PIPOX: variants seen among roughly 807,000 people sequenced by gnomAD.
PIPOX encodes peroxisomal sarcosine oxidase.
A neutral mutation model predicts 47.9 loss-of-function variants in PIPOX; 45 were observed. The observed-to-expected ratio is 0.94, with a 90% CI of 0.74 to 1.20. PIPOX has a LOEUF of 1.20. Ranked by LOEUF, PIPOX falls within the 50% of genes most tolerant of loss-of-function variation. The pLI is 0.00. For synonymous variants in PIPOX, 165 were observed against 191.3 expected, an observed-to-expected ratio of 0.86 and a Z score of 1.13; for missense variants, 458 against 498.4, an observed-to-expected ratio of 0.92 and a Z score of 0.77.
At position 29,056,546 on chromosome 17, in the gene PIPOX, C is replaced by T. The variant is rs948690207; in HGVS notation, c.*241C>T. ...GTCTACCTTCTTTTCTTGGCCACCT[C>T]CCCATTCACAACTACTTTCTCGCTC... On this transcript the variant is annotated 3_prime_UTR_variant, in exon 8 of 8. Coordinates refer to ENST00000323372, the MANE Select transcript of PIPOX (RefSeq NM_016518.3). 2 of 566,328 alleles carry T rather than the reference C, an allele frequency of 3.5e-6. No homozygotes were observed. Among genetic ancestry groups the T allele is most frequent in the African/African-American group, 3.8e-5 (2 of 53,254 alleles). The allele number at this position is 566,328 out of a possible 1,614,324, so 35.1% of individuals were successfully genotyped here.
chr17:29,046,518 T>C (rs1436011773), intron 2 of PIPOX: 14 of 878,776 alleles, frequency 1.6e-5, no homozygotes, highest in Non-Finnish European at 1.6e-5. Flanking sequence ...AAATGAGACT[T>C]TTGTGAAATA....
chr17:29,050,568 C>A (rs922342143), intron 2 of PIPOX, among the ~76,000 whole-genome samples: 1 of 151,944 alleles, frequency 6.6e-6, no homozygotes, highest in East Asian at 1.9e-4. Context: ...TGGTGGCTCA[C>A]GCCTGTAGTC....
chr17:29,053,210 AC>A (rs1484260499), intron 3 of PIPOX, 77 bp downstream of exon 3: 3 of 1,426,828 alleles, frequency 2.1e-6, no homozygotes, highest in Non-Finnish European at 2.0e-6. Flanking sequence ...CCAGCCCAAG[AC>A]CCCCCTCTGG....
chr17:29,043,927 C>G (rs1434563242), intron 1 of PIPOX, among the ~76,000 whole-genome samples: 1 of 152,154 alleles, frequency 6.6e-6, no homozygotes, highest in Non-Finnish European at 1.5e-5. Flanking sequence ...TCTGCAGTGA[C>G]CACTGCATAT....
At chr17:29,055,253 C>A (rs1324488393) in intron 6 of PIPOX, 32 bp downstream of exon 6, 1 of 1,613,192 alleles carries the variant, frequency 6.2e-7, no homozygotes, top group Admixed American at 1.7e-5. Flanking sequence ...GCTGGGCCCC[C>A]TCACCACTCT....
In PIPOX at chr17:29,052,939, C is replaced by G; in HGVS notation, c.283C>G (p.Leu95Val). Residue 95 changes from leucine to valine, a missense_variant, in exon 3 of 8, where the codon CTG (leucine) becomes GTG (valine). Transcript: ENST00000323372. Reference protein sequence around the residue: ...QLHRQTGLLLLGMKENQELKT... With the variant: ...QLHRQTGLLLVGMKENQELKT... ...TAACAGGCAGACTGGATTACTGCTG[C>G]TGGGAATGAAAGAGAATCAAGAATT... 1 of 1,614,180 alleles carries G rather than the reference C, an allele frequency of 6.2e-7. No individual in the cohort carries two copies. The highest frequency in any genetic ancestry group is 8.5e-7 in the Non-Finnish European group (1 of 1,180,004).
chr17:29,052,502 C>T (rs1220347335), intron 2 of PIPOX, among the ~76,000 whole-genome samples: 1 of 152,240 alleles, frequency 6.6e-6, no homozygotes, highest in Non-Finnish European at 1.5e-5. Context: ...CATGACTCCT[C>T]TCAGGGCCTA....
intron 1 of PIPOX, 60 bp downstream of exon 1, chr17:29,043,399 A>AGG: frequency 7.9e-7 from 1 of 1,264,594 alleles, no homozygotes; most frequent in Non-Finnish European, 1.1e-6. Flanking sequence ...TCCCCTGCAG[A>AGG]AGGGTTTTCA....
At chr17:29,048,533 A>T (rs909632117) in intron 2 of PIPOX, among the ~76,000 whole-genome samples, 1 of 152,216 alleles carries the variant, frequency 6.6e-6, no homozygotes, top group Non-Finnish European at 1.5e-5. Context: ...TACAGCCAGG[A>T]TGCTGATTCC....
chr17:29,050,458 T>A (rs545783028), intron 2 of PIPOX, among the ~76,000 whole-genome samples: 2 of 152,098 alleles, frequency 1.3e-5, no homozygotes, highest in South Asian at 4.2e-4. Context: ...CTTTGGGAGA[T>A]CAAGACAGAA....
Position 29,056,363 on chromosome 17 carries a change from T to C in PIPOX, c.*58T>C. On this transcript the variant is annotated 3_prime_UTR_variant, in exon 8 of 8. Coordinates refer to ENST00000323372, the MANE Select transcript of PIPOX (RefSeq NM_016518.3). ...GAGCCAGTTTCACAGATGGAGAAGA[T>C]GTCTCAGATGAAGGGAGTGTCCCTG... 6.2e-7 allele frequency: 1 copy of C among 1,600,512 alleles called. No homozygotes were observed. Among genetic ancestry groups the C allele is most frequent in the South Asian group, 1.1e-5 (1 of 90,678 alleles).
chr17:29,053,103 C>A lies in PIPOX; in HGVS notation c.447C>A (p.Ile149=). 1.2e-6 allele frequency: 2 copies of A among 1,614,210 alleles called. No individual in the cohort carries two copies. The highest frequency in any genetic ancestry group is 1.7e-6 in the Non-Finnish European group (2 of 1,180,034). ...VGLLDNSGGV[I]YAYKALRALQ... is the part of the protein sequence containing the mutation. ...TCTTGGACAATTCCGGAGGAGTTATCTATGCATATAAGGCCCTCAGAGCCC... is the reference window on the plus strand; with the variant it reads ...TCTTGGACAATTCCGGAGGAGTTATATATGCATATAAGGCCCTCAGAGCCC... The change falls in exon 3 of 8, where the codon ATC becomes ATA. Residue 149 remains isoleucine, a synonymous_variant. Transcript: ENST00000323372.
At position 29,052,965 on chromosome 17, in the gene PIPOX, A is replaced by C; in HGVS notation, c.309A>C (p.Leu103Phe). ...TGGGAATGAAAGAGAATCAAGAATT[A>C]AAGACAATCCAGGCCAATCTGTCGA... ...LLLGMKENQE[L>F]KTIQANLSRQ... Residue 103 changes from leucine (L) to phenylalanine (F), a missense_variant, in exon 3 of 8, where the codon TTA becomes TTC. Transcript: ENST00000323372. 1 of 1,614,266 alleles carries C rather than the reference A, an allele frequency of 6.2e-7. No homozygotes were observed.
At chr17:29,045,686 G>A (rs987765311) in intron 2 of PIPOX, among the ~76,000 whole-genome samples, 3 of 152,038 alleles carry the variant, frequency 2.0e-5, no homozygotes, top group African/African-American at 7.2e-5. Flanking sequence ...TGGGATTACA[G>A]GTGTGAGCCA....
At position 29,056,626 on chromosome 17, in the gene PIPOX, G is replaced by A. The variant is rs147169485; in HGVS notation, c.*321G>A. 5.6e-5 allele frequency: 20 copies of A among 359,738 alleles called. No individual in the cohort carries two copies. The East Asian group carries it at 1.0e-3, about 19-fold the overall frequency. The allele number at this position is 359,738 out of a possible 1,614,324, so 22.3% of individuals were successfully genotyped here. A position where few individuals can be genotyped will look rare whatever the true frequency, so the allele number is the denominator to read the frequency against. On this transcript the variant is annotated 3_prime_UTR_variant, in exon 8 of 8. Transcript: ENST00000323372. ...ACAGAGTAGCAAGGACGTTTGAGAT[G>A]GGTATATCAGTAAGAAGAGGGCACA...
At chr17:29,055,992 C>T in intron 7 of PIPOX, 104 bp downstream of exon 7, 1 of 1,302,672 alleles carries the variant, frequency 7.7e-7, no homozygotes, top group South Asian at 1.2e-5. Context: ...AGGTGTGAAG[C>T]CTGGACATTG....
At position 29,046,515 on chromosome 17, in the gene PIPOX, A is replaced by T. The variant is rs143719472; in HGVS notation, c.263+1508A>T. Reference sequence around the variant, plus strand: ...TAGGGCTCTGAGAGGATTAAATGAGACTTTTGTGAAATACTTGGCCCAATG... The same window carrying T: ...TAGGGCTCTGAGAGGATTAAATGAGTCTTTTGTGAAATACTTGGCCCAATG... On this transcript the variant is annotated intron_variant, in intron 2 of 7. Coordinates refer to ENST00000323372, the MANE Select transcript of PIPOX (RefSeq NM_016518.3). 6 of 856,562 alleles carry T rather than the reference A, an allele frequency of 7.0e-6. No homozygotes were observed. In the East Asian group the frequency reaches 7.3e-4, roughly 104 times the overall value. The allele number at this position is 856,562 out of a possible 1,614,324, so 53.1% of individuals were successfully genotyped here.
At chr17:29,045,697 C>T (rs1027561389) in intron 2 of PIPOX, among the ~76,000 whole-genome samples, 1 of 152,078 alleles carries the variant, frequency 6.6e-6, no homozygotes, top group African/African-American at 2.4e-5. Flanking sequence ...GTGTGAGCCA[C>T]CGTGCCTGGC....
In PIPOX at chr17:29,056,787, C is replaced by G. The variant is rs1271597454; in HGVS notation, c.*482C>G. The G allele has an allele frequency of 6.4e-6, 1 of 157,192 alleles. No individual in the cohort carries two copies. Among genetic ancestry groups the G allele is most frequent in the Non-Finnish European group, 1.4e-5 (1 of 71,504 alleles). The allele number at this position is 157,192 out of a possible 1,614,324, so 9.7% of individuals were successfully genotyped here. On this transcript the variant is annotated 3_prime_UTR_variant, in exon 8 of 8. Coordinates refer to ENST00000323372, the MANE Select transcript of PIPOX (RefSeq NM_016518.3). ...TCACCTGAGGCCAGGAATTCAAGAC[C>G]AGCCTGGCCAACATGGTGAAACCCT...
Sources: allele counts gnomAD v4.1 joint callset (sites outside exome capture counted in the v4.1 genomes callset), GRCh38; gene constraint gnomAD v4.1.1; transcripts MANE v1.5; gene names NCBI Gene and HGNC (gene_info 2026-07-23, HGNC 2026-07-21).